Variants in PDE9A observed in about 807,000 individuals in gnomAD.
PDE9A encodes high affinity cGMP-specific 3',5'-cyclic phosphodiesterase 9A.
PDE9A carries 60 observed loss-of-function variants against 87.4 expected under a neutral mutation model. The observed-to-expected ratio is 0.69, with a 90% CI of 0.56 to 0.85. PDE9A has a LOEUF of 0.85. PDE9A is among the 40% of genes least tolerant of loss of function. The pLI, the probability that PDE9A is intolerant of heterozygous loss-of-function variation, is 0.00. For missense variants in PDE9A, 665 were observed against 779.0 expected (o/e 0.85, Z 1.74); for synonymous variants, 272 against 279.4 (o/e 0.97, Z 0.27).
intron 1 of PDE9A, among the ~76,000 whole-genome samples, chr21:42,661,309 G>A (rs1240060111): frequency 7.3e-5 from 11 of 151,342 alleles, no homozygotes; most frequent in Admixed American, 4.6e-4. Context: ...GATTATAGGC[G>A]TGAGCCACCA....
intron 1 of PDE9A, among the ~76,000 whole-genome samples, chr21:42,662,531 C>T (rs938769299): frequency 7.0e-6 from 1 of 142,990 alleles, no homozygotes; most frequent in Non-Finnish European, 1.5e-5. Context: ...TGCACACACA[C>T]CACACACGTA....
chr21:42,751,162 T>A lies in PDE9A; in HGVS notation c.700T>A (p.Leu234Met). The A allele has an allele frequency of 6.2e-7, 1 of 1,613,332 alleles. No homozygotes were observed. The highest frequency in any genetic ancestry group is 8.5e-7 in the Non-Finnish European group (1 of 1,179,352). Residue 234 changes from leucine to methionine, a missense_variant, in exon 9 of 20, where the codon TTG becomes ATG. Leu to Met is a conservative substitution (Grantham distance 15). Coordinates refer to ENST00000291539, the MANE Select transcript of PDE9A (RefSeq NM_002606.3). ...KYSFLDNHKK[L>M]TPRRDVPTYP... ...CAGTTTTTTGGATAACCACAAGAAG[T>A]TGACTCCTCGACGCGATGTTCCCAC...
chr21:42,762,271 G>C (rs377738345), intron 14 of PDE9A, 32 bp downstream of exon 14: 5 of 1,606,586 alleles, frequency 3.1e-6, no homozygotes, highest in Non-Finnish European at 4.3e-6. Flanking sequence ...CCACCGGAGT[G>C]GGGGCACATT....
rs2060118788 is a variant in PDE9A, at chr21:42,695,963, C to T, written c.219-3005C>T. Among the ~76,000 whole-genome samples, 1 of 152,194 alleles carries T rather than the reference C, an allele frequency of 6.6e-6. No homozygotes were observed. The highest frequency in any genetic ancestry group is 1.5e-5 in the Non-Finnish European group (1 of 68,030). ...AGAAATGCAACCCAAGGATCTTGGGCCCAAGGGCCAGGAAGGTTTCTGCAG... is the reference window on the plus strand; with the variant it reads ...AGAAATGCAACCCAAGGATCTTGGGTCCAAGGGCCAGGAAGGTTTCTGCAG... On this transcript the variant is annotated intron_variant, in intron 3 of 19. Transcript: ENST00000291539. The surrounding 1 kb of genome is among the most constrained non-coding windows in gnomAD (Gnocchi z 4.3).
intron 14 of PDE9A, among the ~76,000 whole-genome samples, chr21:42,764,860 G>T (rs923034762): frequency 2.0e-5 from 3 of 152,168 alleles, no homozygotes; most frequent in African/African-American, 7.2e-5. Context: ...ATATACAGTT[G>T]AAATGACCTA....
At chr21:42,716,941 G>A (rs989799823) in intron 4 of PDE9A, among the ~76,000 whole-genome samples, 2 of 150,564 alleles carry the variant, frequency 1.3e-5, no homozygotes, top group Admixed American at 6.6e-5. Context: ...TAGTAGAGAC[G>A]GGGTTTCATC....
chr21:42,669,510 C>T (rs2145930169), intron 1 of PDE9A, among the ~76,000 whole-genome samples: 1 of 152,268 alleles, frequency 6.6e-6, no homozygotes, highest in East Asian at 1.9e-4. Flanking sequence ...GTGCGGGGCC[C>T]AAGAGAAGGG....
At chr21:42,755,747 A>G (rs942172823) in intron 10 of PDE9A, among the ~76,000 whole-genome samples, 1 of 152,160 alleles carries the variant, frequency 6.6e-6, no homozygotes, top group Non-Finnish European at 1.5e-5. Context: ...GTTAGAGCAC[A>G]CTGACTCCTG....
At chr21:42,751,336 G>A (rs1479423752) in intron 9 of PDE9A, 139 bp downstream of exon 9, 5 of 712,224 alleles carry the variant, frequency 7.0e-6, no homozygotes, top group South Asian at 4.8e-5. Context: ...CTGACGGTGC[G>A]GGTTACTTTA....
intron 4 of PDE9A, among the ~76,000 whole-genome samples, chr21:42,701,755 G>T (rs1170563093): frequency 2.0e-5 from 3 of 152,146 alleles, no homozygotes; most frequent in African/African-American, 7.2e-5. Context: ...TTTTGAAAGG[G>T]TATTTTCTTG....
Position 42,686,195 on chromosome 21 carries a change from A to G in PDE9A, c.73A>G (p.Ile25Val), listed in dbSNP as rs770457775. Reference sequence around the variant, plus strand: ...TCACCGCGCTTCTGTTTTGCAGGTAATCTTCAGCAAGTACTGCAACTCCAG... The same window carrying G: ...TCACCGCGCTTCTGTTTTGCAGGTAGTCTTCAGCAAGTACTGCAACTCCAG... ...LDIDGRIQKV[I>V]FSKYCNSSDI... Residue 25 changes from isoleucine to valine, a missense_variant, in exon 2 of 20, where the codon ATC becomes GTC. Coordinates refer to ENST00000291539, the MANE Select transcript of PDE9A (RefSeq NM_002606.3). The G allele has an allele frequency of 1.2e-6, 2 of 1,613,524 alleles. No individual in the cohort carries two copies. The highest frequency in any genetic ancestry group is 3.3e-5 in the Admixed American group (2 of 60,010).
chr21:42,711,258 GTTT>G (rs35475222), intron 4 of PDE9A, among the ~76,000 whole-genome samples: 1 of 136,478 alleles, frequency 7.3e-6, no homozygotes, highest in Non-Finnish European at 1.6e-5. Flanking sequence ...AATAAGTTTT[GTTT>G]TTTTTTTTTT....
chr21:42,756,544 G>A (rs1344450018), intron 10 of PDE9A, among the ~76,000 whole-genome samples: 1 of 152,006 alleles, frequency 6.6e-6, no homozygotes, highest in Non-Finnish European at 1.5e-5. Flanking sequence ...CATGTGTTAG[G>A]GCCTCCGAGG....
rs983948528 is a variant in PDE9A at position 42,731,756 on chromosome 21, C to T, written c.263-14C>T. ...TCCCATATTTGGAAACCCAGTCCTG[C>T]CTGCTTTTTATAGCTGGTGTCGAGG... On this transcript the variant is annotated splice_polypyrimidine_tract_variant and intron_variant, in intron 4 of 19. Transcript: ENST00000291539. The T allele has an allele frequency of 6.8e-6, 11 of 1,607,680 alleles. No individual in the cohort carries two copies. The highest frequency in any genetic ancestry group is 9.3e-6 in the Non-Finnish European group (11 of 1,177,304).
In PDE9A at chr21:42,739,201, G is replaced by C. The variant is rs982571288; in HGVS notation, c.569-4575G>C. On this transcript the variant is annotated intron_variant, in intron 7 of 19. Coordinates refer to ENST00000291539, the MANE Select transcript of PDE9A (RefSeq NM_002606.3). This position sits in a 1 kb window ranked among gnomAD's most constrained non-coding sequence, Gnocchi z 4.1. ...CGCCTGTGTTCAGCGTTTGAAGGCAGAGGAGCGGGCCATGATGGGCAGAGC... is the reference window on the plus strand; with the variant it reads ...CGCCTGTGTTCAGCGTTTGAAGGCACAGGAGCGGGCCATGATGGGCAGAGC... Among the ~76,000 whole-genome samples the C allele has an allele frequency of 1.3e-5, 2 of 152,242 alleles. No individual in the cohort carries two copies. The highest frequency in any genetic ancestry group is 2.9e-5 in the Non-Finnish European group (2 of 68,034).
intron 1 of PDE9A, among the ~76,000 whole-genome samples, chr21:42,661,730 T>C (rs73905723): frequency 0.08 from 12,182 of 152,150 alleles, 955 homozygotes; most frequent in East Asian, 0.24. Flanking sequence ...TTGTGATGGG[T>C]TTATTGTTGC....
At position 42,688,001 on chromosome 21, in the gene PDE9A, G is replaced by C. The variant is rs1569149059; in HGVS notation, c.218+7G>C. 3.1e-6 allele frequency: 5 copies of C among 1,610,538 alleles called. No homozygotes were observed. Among genetic ancestry groups the C allele is most frequent in the Non-Finnish European group, 4.2e-6 (5 of 1,178,804 alleles). On this transcript the variant is annotated splice_region_variant and intron_variant, in intron 3 of 19. Transcript: ENST00000291539. ...TGCCCGCGAATTCAGAACGGTAAGA[G>C]GCTCCGGCCGCGCTCCTCGGGGTGT... is the stretch of plus-strand genomic sequence containing the variant.
chr21:42,760,761 C>G lies in PDE9A; in HGVS notation c.1003-64C>G. On this transcript the variant is annotated intron_variant, in intron 12 of 19. Coordinates refer to ENST00000291539, the MANE Select transcript of PDE9A (RefSeq NM_002606.3). This position sits in a 1 kb window ranked among gnomAD's most constrained non-coding sequence, Gnocchi z 5.2. Reference sequence around the variant, plus strand: ...CTTACCACTCACCCAATTCCACCCCCCCTCACCCCATCCCACCCTCCGAGT... The same window carrying G: ...CTTACCACTCACCCAATTCCACCCCGCCTCACCCCATCCCACCCTCCGAGT... 1 of 893,650 alleles carries G rather than the reference C, an allele frequency of 1.1e-6. No individual in the cohort carries two copies. Among genetic ancestry groups the G allele is most frequent in the Non-Finnish European group, 1.9e-6 (1 of 527,056 alleles). 55.4% of individuals were successfully genotyped at this position (893,650 alleles called of 1,614,324 possible). A position where few individuals can be genotyped will look rare whatever the true frequency, so the allele number is the denominator to read the frequency against.
At position 42,660,507 on chromosome 21, in the gene PDE9A, C is replaced by T. The variant is rs2057401147; in HGVS notation, c.69+6624C>T. ...GTGCACAGGGTGGTGGATGAAAGAC[C>T]ACGCTCTGGGTACCGTGTACACCGC... is the stretch of plus-strand genomic sequence containing the variant. On this transcript the variant is annotated intron_variant, in intron 1 of 19. Coordinates refer to ENST00000291539, the MANE Select transcript of PDE9A (RefSeq NM_002606.3). This position sits in a 1 kb window ranked among gnomAD's most constrained non-coding sequence, Gnocchi z 4.7. Among the ~76,000 whole-genome samples the T allele has an allele frequency of 6.6e-6, 1 of 152,056 alleles. No homozygotes were observed. Among genetic ancestry groups the T allele is most frequent in the South Asian group, 2.1e-4 (1 of 4,822 alleles).
Sources: gnomAD v4.1 joint callset for allele counts (sites outside exome capture counted in the v4.1 genomes callset) on GRCh38, gnomAD v4.1.1 for gene constraint, Gnocchi (gnomAD v3.1) non-coding constraint, MANE v1.5 for transcripts, NCBI Gene and HGNC (gene_info 2026-07-23, HGNC 2026-07-21) for gene names.